The following SORCS3 variants were observed in gnomAD, a reference collection of about 807,000 sequenced individuals.
SORCS3 encodes VPS10 domain-containing receptor SorCS3.
In SORCS3, 57 loss-of-function variants were observed where a neutral mutation model predicts 146.3. The ratio of observed to expected loss-of-function variants is 0.39; its 90% confidence interval spans 0.31 to 0.49. SORCS3 has a LOEUF of 0.49. Ranked by LOEUF, SORCS3 falls within the 20% of genes least tolerant of loss-of-function variation. The pLI, the probability that SORCS3 is intolerant of heterozygous loss-of-function variation, is 0.92. For synonymous variants in SORCS3, 653 were observed against 618.5 expected (o/e 1.06, Z -0.83); for missense variants, 1,341 against 1,575.5 (o/e 0.85, Z 2.52).
At chr10:104,962,366 T>C (rs1024531598) in intron 3 of SORCS3, among the ~76,000 whole-genome samples, 2 of 152,212 alleles carry the variant, frequency 1.3e-5, no homozygotes, top group African/African-American at 2.4e-5. Flanking sequence ...ATGCTGGGTA[T>C]GTTTTTAAAG....
intron 5 of SORCS3, among the ~76,000 whole-genome samples, chr10:105,073,343 G>T (rs756463622): frequency 6.6e-6 from 1 of 152,148 alleles, no homozygotes; most frequent in Non-Finnish European, 1.5e-5. Flanking sequence ...CCAGGCCTAG[G>T]CGAAGGGGAT....
At chr10:105,045,317 A>G (rs751182044) in intron 5 of SORCS3, among the ~76,000 whole-genome samples, 10 of 152,102 alleles carry the variant, frequency 6.6e-5, no homozygotes, top group Non-Finnish European at 1.3e-4. Context: ...GGTCCTGATA[A>G]TTGTGTTTTG....
At chr10:104,877,860 T>C (rs1278301749) in intron 2 of SORCS3, among the ~76,000 whole-genome samples, 2 of 152,194 alleles carry the variant, frequency 1.3e-5, no homozygotes, top group Non-Finnish European at 2.9e-5. Context: ...TTTCAAAGTC[T>C]TCTCTATTCT....
At chr10:104,719,248 T>C (rs1468032870) in intron 1 of SORCS3, among the ~76,000 whole-genome samples, 2 of 152,176 alleles carry the variant, frequency 1.3e-5, no homozygotes, top group African/African-American at 4.8e-5. Context: ...CTCTTTTCTT[T>C]TCTAAAATCC....
chr10:104,823,921 A>G (rs1200199165), intron 1 of SORCS3, among the ~76,000 whole-genome samples: 1 of 152,214 alleles, frequency 6.6e-6, no homozygotes, highest in Non-Finnish European at 1.5e-5. Context: ...AAGAAAAGTC[A>G]GTTTTCAGAG....
At chr10:105,217,187 T>G in intron 19 of SORCS3, 65 bp downstream of exon 19, 2 of 1,542,738 alleles carry the variant, frequency 1.3e-6, no homozygotes, top group Non-Finnish European at 1.8e-6. Context: ...CTGTTCAGAC[T>G]TCCTAAAATT....
At chr10:105,259,166 T>C (rs1286044084) in intron 25 of SORCS3, among the ~76,000 whole-genome samples, 2 of 152,202 alleles carry the variant, frequency 1.3e-5, no homozygotes, top group Admixed American at 1.3e-4. Flanking sequence ...CTATCATCAG[T>C]ACTGTTTAAT....
chr10:105,259,010 C>G (rs536983285), intron 25 of SORCS3, among the ~76,000 whole-genome samples: 8 of 152,168 alleles, frequency 5.3e-5, no homozygotes, highest in Non-Finnish European at 1.2e-4. Flanking sequence ...TTTCCCCACT[C>G]ATCACATGGA....
intron 5 of SORCS3, among the ~76,000 whole-genome samples, chr10:105,086,103 A>G (rs1188457706): frequency 6.6e-6 from 1 of 152,086 alleles, no homozygotes; most frequent in Non-Finnish European, 1.5e-5. Context: ...CTTTCCTAAC[A>G]GCTTCAGTAA....
intron 1 of SORCS3, among the ~76,000 whole-genome samples, chr10:104,675,435 A>C (rs2015902114): frequency 6.6e-6 from 1 of 151,868 alleles, no homozygotes; most frequent in Non-Finnish European, 1.5e-5. Flanking sequence ...TTTTCTTTTA[A>C]GGTTATAAAA....
intron 4 of SORCS3, among the ~76,000 whole-genome samples, chr10:105,004,000 C>CTTTTT (rs1226455197): frequency 7.1e-6 from 1 of 140,230 alleles, no homozygotes; most frequent in Non-Finnish European, 1.5e-5. Flanking sequence ...TCTTCTCTCT[C>CTTTTT]TTTTTTTTTT....
intron 1 of SORCS3, among the ~76,000 whole-genome samples, chr10:104,830,632 A>G (rs1056107807): frequency 2.6e-5 from 4 of 152,154 alleles, no homozygotes; most frequent in Non-Finnish European, 5.9e-5. Flanking sequence ...CTAATCTTGA[A>G]GAGAGCTCAC....
chr10:105,135,421 A>G (rs2056052496), intron 7 of SORCS3, among the ~76,000 whole-genome samples: 1 of 152,100 alleles, frequency 6.6e-6, no homozygotes. Flanking sequence ...CTTCTGGGCC[A>G]TTGTTTCATT....
chr10:104,984,953 C>G (rs1184488304), intron 4 of SORCS3, among the ~76,000 whole-genome samples: 1 of 152,092 alleles, frequency 6.6e-6, no homozygotes, highest in African/African-American at 2.4e-5. Context: ...CTTTTTGCTG[C>G]TGGAGGATCT....
intron 3 of SORCS3, among the ~76,000 whole-genome samples, chr10:104,968,544 C>T (rs2054840499): frequency 6.6e-6 from 1 of 152,216 alleles, no homozygotes; most frequent in South Asian, 2.1e-4. Context: ...CCCCTTCCAG[C>T]ACACGTATAC....
chr10:104,699,147 A>G (rs945641693), intron 1 of SORCS3, among the ~76,000 whole-genome samples: 2 of 152,160 alleles, frequency 1.3e-5, no homozygotes, highest in Admixed American at 1.3e-4. Flanking sequence ...CCAAGGGTTT[A>G]GGTATAAAAG....
chr10:105,138,251 C>T (rs566473027), intron 7 of SORCS3, among the ~76,000 whole-genome samples: 2 of 152,124 alleles, frequency 1.3e-5, no homozygotes, highest in Non-Finnish European at 2.9e-5. Flanking sequence ...TACCTGGCAG[C>T]GTGTGGTGCC....
intron 2 of SORCS3, among the ~76,000 whole-genome samples, chr10:104,854,827 C>G (rs2018312403): frequency 6.6e-6 from 1 of 152,148 alleles, no homozygotes; most frequent in African/African-American, 2.4e-5. Context: ...CCTTTTGATG[C>G]TTTTCTCACT....
At chr10:105,151,685 A>G (rs903469588) in intron 9 of SORCS3, among the ~76,000 whole-genome samples, 2 of 151,872 alleles carry the variant, frequency 1.3e-5, no homozygotes, top group Non-Finnish European at 2.9e-5. Flanking sequence ...GGCACTGAAA[A>G]ATCCTTGGAC....
Sources: allele counts gnomAD v4.1 joint callset (sites outside exome capture counted in the v4.1 genomes callset), GRCh38; gene constraint gnomAD v4.1.1; transcripts MANE v1.5; gene names NCBI Gene and HGNC (gene_info 2026-07-23, HGNC 2026-07-21).